The following SERINC1 variants were observed in gnomAD, a reference collection of about 807,000 sequenced individuals.
SERINC1 encodes the protein tumor differentially expressed protein 2.
SERINC1 carries 38 observed loss-of-function variants against 52.9 expected under a neutral mutation model. The observed-to-expected ratio is 0.72, with a 90% CI of 0.55 to 0.94. The LOEUF (loss-of-function observed/expected upper bound fraction) is 0.94. Ranked by LOEUF, SERINC1 falls within the 40% of genes least tolerant of loss-of-function variation. The probability of loss-of-function intolerance (pLI) is 0.00; values close to 1 mark genes in which losing one functional copy is unlikely to be tolerated. For synonymous variants in SERINC1, 198 were observed against 183.1 expected (o/e 1.08, Z -0.66); for missense variants, 471 against 533.9 (o/e 0.88, Z 1.16).
intron 5 of SERINC1, among the ~76,000 whole-genome samples, chr6:122,453,255 T>C (rs186494587): frequency 1.3e-5 from 2 of 152,318 alleles, no homozygotes; most frequent in African/African-American, 4.8e-5. Flanking sequence ...GGACTCAACA[T>C]CATCATTATA....
chr6:122,471,662 C>T (rs1775304375), intron 1 of SERINC1, 37 bp downstream of exon 1: 1 of 1,613,934 alleles, frequency 6.2e-7, no homozygotes, highest in Middle Eastern at 1.6e-4. Context: ...TTTGGTCTCT[C>T]ACACTAGCAC....
intron 7 of SERINC1, 120 bp downstream of exon 7, chr6:122,451,544 C>A: frequency 2.7e-6 from 1 of 366,498 alleles, no homozygotes; most frequent in Non-Finnish European, 5.0e-6. Context: ...AAGATCAAAA[C>A]TTTGTACTTT....
At position 122,471,734 on chromosome 6, in the gene SERINC1, C is replaced by G. The variant is rs1182271335; in HGVS notation, c.4G>C (p.Gly2Arg). Residue 2 changes from glycine (G) to arginine (R), a missense_variant, in exon 1 of 10, where the codon GGG (glycine) becomes CGG (arginine). By Grantham distance (125) the Gly-to-Arg change is moderately radical. Transcript: ENST00000339697. ...ATGGAGCACAGCCCCAGGACGCTCC[C>G]CATCTCCACAACGTCACAAGAGCAG... M[G>R]SVLGLCSMAS... 15 of 1,614,056 alleles carry G rather than the reference C, an allele frequency of 9.3e-6. No individual in the cohort carries two copies. Among genetic ancestry groups the G allele is most frequent in the African/African-American group, 1.3e-5 (1 of 74,950 alleles).
chr6:122,471,303 C>T (rs1775291007), intron 1 of SERINC1, among the ~76,000 whole-genome samples: 1 of 151,788 alleles, frequency 6.6e-6, no homozygotes, highest in Non-Finnish European at 1.5e-5. Flanking sequence ...GAGATGACAA[C>T]AGAGTGGGTA....
chr6:122,461,613 C>T (rs1490560953), intron 1 of SERINC1, among the ~76,000 whole-genome samples: 3 of 150,358 alleles, frequency 2.0e-5, no homozygotes, highest in Non-Finnish European at 4.4e-5. Flanking sequence ...ACATATGTAA[C>T]TAACCTGCAC....
At chr6:122,470,069 A>G (rs1406893159) in intron 1 of SERINC1, among the ~76,000 whole-genome samples, 2 of 152,148 alleles carry the variant, frequency 1.3e-5, no homozygotes, top group Non-Finnish European at 2.9e-5. Flanking sequence ...ATAAATTCCA[A>G]ACTGAGCACG....
At chr6:122,464,168 T>C (rs971649675) in intron 1 of SERINC1, among the ~76,000 whole-genome samples, 87 of 152,268 alleles carry the variant, frequency 5.7e-4, no homozygotes, top group Middle Eastern at 3.4e-3. Flanking sequence ...TTTAGGATGA[T>C]CGATGTTCCA....
intron 1 of SERINC1, among the ~76,000 whole-genome samples, chr6:122,459,395 G>A (rs1378768098): frequency 6.6e-6 from 1 of 152,122 alleles, no homozygotes; most frequent in Non-Finnish European, 1.5e-5. Flanking sequence ...CTAGAAGGTG[G>A]ATGAACCAGA....
intron 3 of SERINC1, 70 bp from the exon 4 acceptor site, chr6:122,454,300 T>G (rs1303101668): frequency 1.3e-6 from 1 of 780,708 alleles, no homozygotes; most frequent in African/African-American, 1.8e-5. Context: ...TGAAATCATT[T>G]AACTGCATCT....
chr6:122,463,757 G>A (rs541952154), intron 1 of SERINC1, among the ~76,000 whole-genome samples: 18 of 152,224 alleles, frequency 1.2e-4, no homozygotes, highest in Non-Finnish European at 2.5e-4. Context: ...ATGAAAAATG[G>A]TACAACCATT....
intron 1 of SERINC1, among the ~76,000 whole-genome samples, chr6:122,465,749 GAGGAGTGGAT>G (rs1775179548): frequency 6.6e-6 from 1 of 152,172 alleles, no homozygotes; most frequent in Non-Finnish European, 1.5e-5. Context: ...ATGAAAGTGG[GAGGAGTGGAT>G]AGGAGAAACT....
intron 9 of SERINC1, among the ~76,000 whole-genome samples, chr6:122,446,165 ACAAAAC>A (rs1774796854): frequency 6.6e-6 from 1 of 152,082 alleles, no homozygotes. Flanking sequence ...AATCATTTGG[ACAAAAC>A]CAGAACTTTC....
rs1774716383 is a variant in SERINC1, at chr6:122,444,099, A to G, written c.*945T>C. 1 of 152,536 alleles carries G rather than the reference A, an allele frequency of 6.6e-6. No individual in the cohort carries two copies. The highest frequency in any genetic ancestry group is 1.9e-4 in the East Asian group (1 of 5,178). The allele number at this position is 152,536 out of a possible 1,614,324, so 9.4% of individuals were successfully genotyped here. ...AACCTCTGCCTCCTGGGCTCAAGCA[A>G]TCCTCCCACCTCAGCCTCCTCAGTA... On this transcript the variant is annotated 3_prime_UTR_variant, in exon 10 of 10. Coordinates refer to ENST00000339697, the MANE Select transcript of SERINC1 (RefSeq NM_020755.4).
chr6:122,458,748 C>A, intron 1 of SERINC1, 67 bp from the exon 2 acceptor site: 2 of 1,088,168 alleles, frequency 1.8e-6, no homozygotes, highest in South Asian at 1.8e-5. Context: ...TAAAATGATA[C>A]AATGAAAATT....
rs1775040169 is a variant in SERINC1, at chr6:122,458,486, C to T, written c.201+34G>A. 3 of 1,523,376 alleles carry T rather than the reference C, an allele frequency of 2.0e-6. No homozygotes were observed. The African/African-American group carries it at 4.1e-5, about 21-fold the overall frequency. The allele number at this position is 1,523,376 out of a possible 1,614,324, so 94.4% of individuals were successfully genotyped here. A position where few individuals can be genotyped will look rare whatever the true frequency, so the allele number is the denominator to read the frequency against. On this transcript the variant is annotated intron_variant, in intron 2 of 9. Coordinates refer to ENST00000339697, the MANE Select transcript of SERINC1 (RefSeq NM_020755.4). ...TACATATACATATATACCCTATAGC[C>T]TCAGTTAATCAATAAATAAGAAACG...
chr6:122,446,753 G>A (rs1312762419), intron 9 of SERINC1, 21 bp downstream of exon 9: 1 of 1,513,852 alleles, frequency 6.6e-7, no homozygotes, highest in Non-Finnish European at 9.2e-7. Context: ...CACATCCAGA[G>A]TTTTCATGAA....
chr6:122,445,896 AAAAAG>A (rs1774788095), intron 9 of SERINC1, among the ~76,000 whole-genome samples: 1 of 149,118 alleles, frequency 6.7e-6, no homozygotes, highest in Non-Finnish European at 1.5e-5. Flanking sequence ...AAAAAAAAAA[AAAAAG>A]AACCAGCTGG....
At chr6:122,460,935 G>GC (rs1448570661) in intron 1 of SERINC1, among the ~76,000 whole-genome samples, 5 of 151,982 alleles carry the variant, frequency 3.3e-5, no homozygotes, top group African/African-American at 1.2e-4. Context: ...GATAAAATAA[G>GC]CCCCCTAAAT....
intron 3 of SERINC1, 25 bp from the exon 4 acceptor site, chr6:122,454,255 T>A (rs1403980869): frequency 1.6e-6 from 2 of 1,224,794 alleles, no homozygotes; most frequent in African/African-American, 3.1e-5. Context: ...AATATAATTT[T>A]TTATTAATAG....
Sources: gnomAD v4.1 joint callset for allele counts (sites outside exome capture counted in the v4.1 genomes callset) on GRCh38, gnomAD v4.1.1 for gene constraint, MANE v1.5 for transcripts, NCBI Gene and HGNC (gene_info 2026-07-23, HGNC 2026-07-21) for gene names.